ANKRD12: variants seen among roughly 807,000 people sequenced by gnomAD.
The protein encoded by ANKRD12 is ankyrin repeat domain 12, also known as ankyrin repeat domain-containing protein 12.
Under a neutral mutation model 183.4 loss-of-function variants are expected in ANKRD12, and 85 were observed. That is an observed-to-expected ratio of 0.46 (90% CI 0.39 to 0.56). The LOEUF (loss-of-function observed/expected upper bound fraction) is 0.56. Among genes scored for constraint, ANKRD12 ranks in the 20% least tolerant of loss-of-function variants. The pLI is 0.00. For synonymous variants in ANKRD12, 914 were observed against 800.2 expected (o/e 1.14, Z -2.40); for missense variants, 2,405 against 2,357.1 (o/e 1.02, Z -0.42).
intron 1 of ANKRD12, among the ~76,000 whole-genome samples, chr18:9,179,277 T>TA (rs1279872136): frequency 6.6e-6 from 1 of 152,134 alleles, no homozygotes; most frequent in African/African-American, 2.4e-5. Flanking sequence ...TTATTGAACT[T>TA]ACGTAGGACC....
rs2038513085 is a variant in ANKRD12, at chr18:9,254,953, T to C, written c.1686T>C (p.His562=). The stretch of plus-strand genomic sequence containing the variant: ...AGTCAACACCACTAAAACAAGAACA[T>C]ACTAAAACATGTTTATCACCAGGAA... The part of the protein sequence containing the change: ...EKQSTPLKQE[H]TKTCLSPGSS... Residue 562 remains histidine, a synonymous_variant, in exon 9 of 13, where the codon CAT becomes CAC. Transcript: ENST00000262126. 3 of 1,606,372 alleles carry C rather than the reference T, an allele frequency of 1.9e-6. No individual in the cohort carries two copies. Among genetic ancestry groups the C allele is most frequent in the African/African-American group, 2.7e-5 (2 of 74,654 alleles).
intron 12 of ANKRD12, 43 bp downstream of exon 12, chr18:9,279,687 T>A: frequency 1.8e-6 from 2 of 1,139,894 alleles, no homozygotes; most frequent in Non-Finnish European, 1.3e-6. Flanking sequence ...GCTTCCCCCT[T>A]CTTAAAAAAA....
intron 1 of ANKRD12, among the ~76,000 whole-genome samples, chr18:9,170,683 C>T (rs552024386): frequency 6.6e-6 from 1 of 152,016 alleles, no homozygotes; most frequent in South Asian, 2.1e-4. Flanking sequence ...GTAGTTTGAT[C>T]TTCTGAAGCC....
At position 9,175,523 on chromosome 18, in the gene ANKRD12, CTTTTTT is replaced by C. The variant is rs33944736; in HGVS notation, c.-51-6836_-51-6831del. 6.0e-4 allele frequency among the ~76,000 whole-genome samples: 32 copies of C among 53,300 alleles called. 1 individual carries two copies. Among genetic ancestry groups the C allele is most frequent in the African/African-American group, 8.5e-4 (11 of 12,998 alleles). The allele number at this position is 53,300 out of a possible 152,430, so 35.0% of individuals were successfully genotyped here. On this transcript the variant is annotated intron_variant, in intron 1 of 12. Transcript: ENST00000262126. ...CTTGATCAGTTTTTCAAAGGCTCCT[CTTTTTT>C]TTTTTTTTTTTTTTTTTTTTTTGAG...
chr18:9,142,872 A>G (rs2078366806), intron 1 of ANKRD12, among the ~76,000 whole-genome samples: 1 of 101,504 alleles, frequency 9.9e-6, no homozygotes, highest in African/African-American at 3.6e-5. Context: ...AGACAGAGTG[A>G]TACTGCCTCC....
At chr18:9,213,926 C>T (rs750575285) in intron 6 of ANKRD12, among the ~76,000 whole-genome samples, 3 of 151,830 alleles carry the variant, frequency 2.0e-5, no homozygotes, top group Non-Finnish European at 4.4e-5. Context: ...AATTCTTTTT[C>T]ATAGTTTAAA....
At chr18:9,208,609 A>G in intron 4 of ANKRD12, 48 bp from the exon 5 acceptor site, 1 of 1,539,104 alleles carries the variant, frequency 6.5e-7, no homozygotes, top group Middle Eastern at 1.8e-4. Flanking sequence ...CTTGCTTTTG[A>G]GTACTTGGAT....
At chr18:9,209,613 T>TA (rs1264777657) in intron 5 of ANKRD12, among the ~76,000 whole-genome samples, 3 of 152,256 alleles carry the variant, frequency 2.0e-5, no homozygotes, top group East Asian at 3.9e-4. Flanking sequence ...CTGTCACTGC[T>TA]AAAAAAATGT....
chr18:9,183,704 T>A (rs2033856416), intron 2 of ANKRD12, among the ~76,000 whole-genome samples: 1 of 152,214 alleles, frequency 6.6e-6, no homozygotes, highest in Admixed American at 6.5e-5. Flanking sequence ...TTTCTTTTTT[T>A]GTTTGATTAC....
chr18:9,248,182 G>A (rs2145089806), intron 8 of ANKRD12, among the ~76,000 whole-genome samples: 1 of 152,334 alleles, frequency 6.6e-6, no homozygotes, highest in Admixed American at 6.5e-5. Context: ...TTGGGAAGAA[G>A]AACTTGCTTG....
rs561298967 is a variant in ANKRD12, at chr18:9,189,535, A to G, written c.88-6016A>G. Among the ~76,000 whole-genome samples, 12 of 152,360 alleles carry G rather than the reference A, an allele frequency of 7.9e-5. No individual in the cohort carries two copies. The South Asian group carries it at 1.7e-3, about 21-fold the overall frequency. On this transcript the variant is annotated intron_variant, in intron 2 of 12. Coordinates refer to ENST00000262126, the MANE Select transcript of ANKRD12 (RefSeq NM_015208.5). Reference sequence around the variant, plus strand: ...TTTGAAAGCTAGAGAGGAGAAGTCAATCCCTGGCTTCAAAGCTTCAGAGGA... The same window carrying G: ...TTTGAAAGCTAGAGAGGAGAAGTCAGTCCCTGGCTTCAAAGCTTCAGAGGA...
rs549216295 is a variant in ANKRD12 at position 9,166,133 on chromosome 18, A to G, written c.-51-16249A>G. Among the ~76,000 whole-genome samples, 136 of 152,026 alleles carry G rather than the reference A, an allele frequency of 8.9e-4. 1 individual carries two copies. The highest frequency in any genetic ancestry group is 2.8e-3 in the Admixed American group (42 of 15,252). ...TCCAGTCTATCATTGTTGGACATTTAGGTTGGTTCCAAGTCTTTGCTGTTG... is the reference window on the plus strand; with the variant it reads ...TCCAGTCTATCATTGTTGGACATTTGGGTTGGTTCCAAGTCTTTGCTGTTG... On this transcript the variant is annotated intron_variant, in intron 1 of 12. Coordinates refer to ENST00000262126, the MANE Select transcript of ANKRD12 (RefSeq NM_015208.5).
At chr18:9,242,840 T>C (rs1447566477) in intron 8 of ANKRD12, among the ~76,000 whole-genome samples, 1 of 152,198 alleles carries the variant, frequency 6.6e-6, no homozygotes, top group East Asian at 1.9e-4. Context: ...ACTTAAAGTC[T>C]TAACTGTAAT....
intron 8 of ANKRD12, among the ~76,000 whole-genome samples, chr18:9,231,168 TG>T (rs1191595235): frequency 2.0e-5 from 3 of 152,222 alleles, no homozygotes; most frequent in Admixed American, 6.5e-5. Context: ...ACTAGTTTTG[TG>T]GCCTAACATG....
intron 1 of ANKRD12, among the ~76,000 whole-genome samples, chr18:9,163,874 A>C (rs982390154): frequency 6.6e-6 from 1 of 152,060 alleles, no homozygotes; most frequent in African/African-American, 2.4e-5. Context: ...TTGCACATTG[A>C]TTTTGTATCC....
intron 1 of ANKRD12, among the ~76,000 whole-genome samples, chr18:9,155,059 A>T (rs1303578552): frequency 6.6e-6 from 1 of 152,190 alleles, no homozygotes; most frequent in Non-Finnish European, 1.5e-5. Context: ...TGGCTTAGTG[A>T]ATAAAAATAG....
chr18:9,143,930 C>T (rs796311491), intron 1 of ANKRD12, among the ~76,000 whole-genome samples: 5 of 152,304 alleles, frequency 3.3e-5, no homozygotes, highest in African/African-American at 1.2e-4. Context: ...GAAGCTCTTC[C>T]TCTTCCTTCA....
At chr18:9,270,146 T>G (rs564010062) in intron 10 of ANKRD12, among the ~76,000 whole-genome samples, 1 of 152,172 alleles carries the variant, frequency 6.6e-6, no homozygotes, top group Non-Finnish European at 1.5e-5. Flanking sequence ...GAAATAGGAA[T>G]ACTTTTACAC....
At chr18:9,150,891 G>T (rs1271598635) in intron 1 of ANKRD12, among the ~76,000 whole-genome samples, 1 of 151,964 alleles carries the variant, frequency 6.6e-6, no homozygotes, top group African/African-American at 2.4e-5. Flanking sequence ...TTGACCTCGT[G>T]ATCCACCTGC....
Sources: allele counts gnomAD v4.1 joint callset (sites outside exome capture counted in the v4.1 genomes callset), GRCh38; gene constraint gnomAD v4.1.1; transcripts MANE v1.5; gene names NCBI Gene and HGNC (gene_info 2026-07-23, HGNC 2026-07-21).